Variants in ABTB2 observed in about 807,000 individuals in gnomAD.
The protein encoded by ABTB2 is ankyrin repeat and BTB/POZ domain-containing protein 2.
In ABTB2, 56 loss-of-function variants were observed where a neutral mutation model predicts 104.1. The observed-to-expected ratio is 0.54, with a 90% CI of 0.43 to 0.67. The LOEUF is 0.67. Ranked by LOEUF, ABTB2 falls within the 30% of genes least tolerant of loss-of-function variation. The pLI is 0.00. For missense variants in ABTB2, 1,279 were observed against 1,407.7 expected (o/e 0.91, Z 1.46); for synonymous variants, 606 against 608.2 (o/e 1.00, Z 0.05).
rs1855475355 is a variant in ABTB2 at position 34,357,012 on chromosome 11, T to C, written c.572A>G (p.Asp191Gly). The C allele has an allele frequency of 1.9e-6, 3 of 1,565,916 alleles. No individual in the cohort carries two copies. The highest frequency in any genetic ancestry group is 2.6e-6 in the Non-Finnish European group (3 of 1,158,776). Residue 191 changes from aspartate (D) to glycine (G), a missense_variant, in exon 1 of 17, where the codon GAC (aspartate) becomes GGC (glycine). Transcript: ENST00000435224. ...CGCGGACTTGCCCCGGCGCAGCCCG[T>C]CGCCGGCGCTCATGCTGTACAGGGA... ...ALSLYSMSAG[D>G]GLRRGKSARC... is the part of the protein sequence containing the mutation.
At chr11:34,292,691 A>C (rs1854575924) in intron 1 of ABTB2, among the ~76,000 whole-genome samples, 1 of 152,216 alleles carries the variant, frequency 6.6e-6, no homozygotes, top group African/African-American at 2.4e-5. Context: ...AAGTCAAGCC[A>C]GGAAAGCGAA....
At chr11:34,331,776 G>A (rs530731746) in intron 1 of ABTB2, among the ~76,000 whole-genome samples, 5 of 152,304 alleles carry the variant, frequency 3.3e-5, no homozygotes, top group Admixed American at 2.0e-4. Flanking sequence ...TACATTGCAC[G>A]GGGTAGAAGG....
At chr11:34,206,828 G>A (rs73489787) in intron 1 of ABTB2, among the ~76,000 whole-genome samples, 2 of 152,000 alleles carry the variant, frequency 1.3e-5, no homozygotes, top group Admixed American at 6.6e-5. Context: ...AGGCCTCCCC[G>A]CTCTCCTCCT....
At chr11:34,161,148 C>G (rs1280790320) in intron 10 of ABTB2, 67 bp from the exon 11 acceptor site, 3 of 1,457,408 alleles carry the variant, frequency 2.1e-6, no homozygotes, top group Non-Finnish European at 2.8e-6. Flanking sequence ...CAGACCACAG[C>G]CTTTTCTGGG....
intron 1 of ABTB2, among the ~76,000 whole-genome samples, chr11:34,271,102 G>A (rs966595168): frequency 6.6e-6 from 1 of 152,166 alleles, no homozygotes. Context: ...GGGTGATGGC[G>A]GGGAAGTGCA....
At chr11:34,291,065 T>C (rs1006370077) in intron 1 of ABTB2, among the ~76,000 whole-genome samples, 1 of 152,242 alleles carries the variant, frequency 6.6e-6, no homozygotes, top group Non-Finnish European at 1.5e-5. Context: ...CTCCCAGCCT[T>C]CCCAGGCTCC....
At chr11:34,198,453 AC>A (rs59755278) in intron 2 of ABTB2, among the ~76,000 whole-genome samples, 30,456 of 135,084 alleles carry the variant, frequency 0.23, 3,456 homozygotes, top group South Asian at 0.33. Context: ...AACAACAACA[AC>A]AAAAAAAAAC....
chr11:34,165,431 G>C, intron 7 of ABTB2, 75 bp from the exon 8 acceptor site: 13 of 1,274,504 alleles, frequency 1.0e-5, no homozygotes, highest in African/African-American at 1.5e-5. Context: ...GGTGCTTTCG[G>C]GGACAGGGCC....
At chr11:34,198,055 GCAA>G (rs1853284719) in intron 2 of ABTB2, among the ~76,000 whole-genome samples, 1 of 152,216 alleles carries the variant, frequency 6.6e-6, no homozygotes, top group African/African-American at 2.4e-5. Flanking sequence ...TACAAAGTAT[GCAA>G]TTCCCCAGAA....
chr11:34,184,432 C>A (rs1319592097), intron 3 of ABTB2, among the ~76,000 whole-genome samples: 2 of 152,162 alleles, frequency 1.3e-5, no homozygotes, highest in Non-Finnish European at 2.9e-5. Context: ...TGTGGTTCTG[C>A]AGATGTTACC....
intron 1 of ABTB2, among the ~76,000 whole-genome samples, chr11:34,305,588 C>G (rs1400034659): frequency 6.6e-6 from 1 of 152,198 alleles, no homozygotes; most frequent in Non-Finnish European, 1.5e-5. Flanking sequence ...GTAAGGGAAC[C>G]AGAGGCAAAA....
intron 16 of ABTB2, 91 bp from the exon 17 acceptor site, chr11:34,152,675 G>A: frequency 7.7e-7 from 1 of 1,295,298 alleles, no homozygotes. Context: ...CATGGCCACA[G>A]CCCTGATTAA....
At chr11:34,238,897 G>T (rs537447132) in intron 1 of ABTB2, among the ~76,000 whole-genome samples, 2 of 152,194 alleles carry the variant, frequency 1.3e-5, no homozygotes, top group East Asian at 3.9e-4. Context: ...GGGACTACAG[G>T]CGCGTGCCAC....
At position 34,221,652 on chromosome 11, in the gene ABTB2, G is replaced by A. The variant is rs528136593; in HGVS notation, c.884-16962C>T. ...AGCCCTCATTCAGCTTGAATAGGGGGGCTCAACGCTCCCCTCACGGGGCAA... is the reference window on the plus strand; with the variant it reads ...AGCCCTCATTCAGCTTGAATAGGGGAGCTCAACGCTCCCCTCACGGGGCAA... On this transcript the variant is annotated intron_variant, in intron 1 of 16. Coordinates refer to ENST00000435224, the MANE Select transcript of ABTB2 (RefSeq NM_145804.3). Among the ~76,000 whole-genome samples the A allele has an allele frequency of 5.5e-4, 84 of 152,286 alleles. 1 individual carries two copies. In the South Asian group the frequency reaches 8.7e-3, roughly 16 times the overall value.
rs1449931162 is a variant in ABTB2, at chr11:34,165,156, C to A, written c.1852+104G>T. On this transcript the variant is annotated intron_variant, in intron 8 of 16. Coordinates refer to ENST00000435224, the MANE Select transcript of ABTB2 (RefSeq NM_145804.3). ...GGGTTTTAAGGCCCCTGCATGGGGT[C>A]CGTGTGTGCTAAAGAGACCCCTGCA... is the stretch of plus-strand genomic sequence containing the variant. 8.4e-6 allele frequency: 9 copies of A among 1,074,536 alleles called. No homozygotes were observed. In the East Asian group the frequency reaches 2.4e-4, roughly 29 times the overall value. 66.6% of individuals were successfully genotyped at this position (1,074,536 alleles called of 1,614,324 possible).
intron 1 of ABTB2, among the ~76,000 whole-genome samples, chr11:34,340,325 G>A (rs1564936419): frequency 6.6e-6 from 1 of 152,202 alleles, no homozygotes; most frequent in South Asian, 2.1e-4. Flanking sequence ...ATACCTGGTG[G>A]CTGCTACCTG....
At chr11:34,213,236 G>GCTCCCAAA (rs1349783572) in intron 1 of ABTB2, among the ~76,000 whole-genome samples, 1 of 152,218 alleles carries the variant, frequency 6.6e-6, no homozygotes, top group African/African-American at 2.4e-5. Context: ...CCAGCACTTT[G>GCTCCCAAA]GGAGGCCAAG....
intron 1 of ABTB2, among the ~76,000 whole-genome samples, chr11:34,321,724 C>T (rs1288720416): frequency 2.0e-5 from 3 of 152,238 alleles, no homozygotes; most frequent in Non-Finnish European, 2.9e-5. Context: ...CATGAGATGG[C>T]AGCTGCCGCA....
At chr11:34,232,420 A>T (rs1853780512) in intron 1 of ABTB2, among the ~76,000 whole-genome samples, 1 of 151,628 alleles carries the variant, frequency 6.6e-6, no homozygotes, top group Non-Finnish European at 1.5e-5. Context: ...ACTGCACTCC[A>T]GCCTGGGCAA....
Sources: allele counts gnomAD v4.1 joint callset (sites outside exome capture counted in the v4.1 genomes callset), GRCh38; gene constraint gnomAD v4.1.1; transcripts MANE v1.5; gene names NCBI Gene and HGNC (gene_info 2026-07-23, HGNC 2026-07-21).